Variants in ADAP1 observed in about 807,000 individuals in gnomAD.
The protein encoded by ADAP1 is ArfGAP with dual PH domains 1.
A neutral mutation model predicts 54.9 loss-of-function variants in ADAP1; 31 were observed. The ratio of observed to expected loss-of-function variants is 0.56; its 90% CI spans 0.42 to 0.76. ADAP1 has a LOEUF of 0.76. Among genes scored for constraint, ADAP1 ranks in the 30% least tolerant of loss-of-function variants. The pLI, the probability that ADAP1 is intolerant of heterozygous loss-of-function variation, is 0.00. For synonymous variants in ADAP1, 313 were observed against 202.6 expected, an observed-to-expected ratio of 1.55 and a Z score of -4.63; for missense variants, 535 against 512.4, an observed-to-expected ratio of 1.04 and a Z score of -0.42.
intron 4 of ADAP1, among the ~76,000 whole-genome samples, chr7:909,639 C>T (rs1361887940): frequency 6.6e-6 from 1 of 152,252 alleles, no homozygotes; most frequent in African/African-American, 2.4e-5. Flanking sequence ...CCAGTCGGCA[C>T]CAGCAACAGC....
rs376000777 is a variant in ADAP1 at position 932,705 on chromosome 7, G to A, written c.213+2670C>T. 1.1e-4 allele frequency among the ~76,000 whole-genome samples: 17 copies of A among 152,290 alleles called. No individual in the cohort carries two copies. In the East Asian group the frequency reaches 1.5e-3, roughly 14 times the overall value. ...AGTGTCCCCCCCTGGGTCAGTGAAG[G>A]TGGGTCGAAGGGCGAAGGGACGGAT... On this transcript the variant is annotated intron_variant, in intron 2 of 10. Coordinates refer to ENST00000265846, the MANE Select transcript of ADAP1 (RefSeq NM_006869.4).
At chr7:900,481 CCACCCCACCACCCCT>C (rs1844736102) in intron 7 of ADAP1, 37 bp downstream of exon 7, 1 of 1,380,196 alleles carries the variant, frequency 7.2e-7, no homozygotes, top group African/African-American at 1.4e-5. Context: ...CGTCCACCCC[CCACCCCACCACCCCT>C]GTCTGCCCTG....
At chr7:899,752 C>T (rs181333346) in intron 8 of ADAP1, among the ~76,000 whole-genome samples, 4 of 152,174 alleles carry the variant, frequency 2.6e-5, no homozygotes, top group Non-Finnish European at 4.4e-5. Flanking sequence ...ACTTACGAGC[C>T]CTCACACCTG....
At chr7:899,541 C>T (rs1409004680) in intron 8 of ADAP1, 51 bp from the exon 9 acceptor site, 3 of 1,583,048 alleles carry the variant, frequency 1.9e-6, no homozygotes, top group Non-Finnish European at 2.6e-6. Context: ...GCAGGCCCTA[C>T]ATCCAGCTGA....
chr7:905,213 G>C (rs746848742), intron 4 of ADAP1, 41 bp from the exon 5 acceptor site: 8 of 1,538,780 alleles, frequency 5.2e-6, no homozygotes, highest in Non-Finnish European at 7.1e-6. Flanking sequence ...CAGTGGATGG[G>C]GGGGAGGAAA....
chr7:954,811 A>T, upstream of ADAP1: 2 of 718,306 alleles, frequency 2.8e-6, no homozygotes, highest in Non-Finnish European at 3.4e-6. Context: ...CGCCCCGGGG[A>T]CCCGCTGGGA....
intron 1 of ADAP1, among the ~76,000 whole-genome samples, chr7:942,392 G>T (rs898367649): frequency 1.7e-5 from 2 of 114,708 alleles, no homozygotes; most frequent in Admixed American, 8.5e-5. Flanking sequence ...GGAGAGAGGA[G>T]GAGGAAGGGA....
chr7:952,042 C>G (rs182678448), intron 1 of ADAP1, among the ~76,000 whole-genome samples: 197 of 152,222 alleles, frequency 1.3e-3, no homozygotes, highest in Middle Eastern at 3.4e-3. Context: ...AACCCCCTCC[C>G]AGGATGGAGA....
chr7:900,266 G>A (rs576090103), intron 7 of ADAP1, 102 bp from the exon 8 acceptor site: 31 of 1,436,652 alleles, frequency 2.2e-5, no homozygotes, highest in Admixed American at 1.4e-4. Flanking sequence ...GGGCCACCAG[G>A]TCAGGGCCCA....
intron 4 of ADAP1, among the ~76,000 whole-genome samples, chr7:905,848 AGAAGGGAGAAGGGAGAAGGGAGAAG>A: frequency 5.4e-5 from 3 of 55,368 alleles, no homozygotes; most frequent in Admixed American, 1.5e-4. Flanking sequence ...GGGAGAAGGG[AGAAGGGAGAAGGGAGAAGGGAGAAG>A]GGAGAAAGGA....
intron 4 of ADAP1, among the ~76,000 whole-genome samples, chr7:907,917 T>G (rs1845542485): frequency 1.3e-5 from 2 of 151,772 alleles, no homozygotes; most frequent in South Asian, 2.1e-4. Flanking sequence ...AGGAGCCGTC[T>G]GCCGAGCATC....
At chr7:950,870 A>C (rs1466113878) in intron 1 of ADAP1, among the ~76,000 whole-genome samples, 3 of 151,252 alleles carry the variant, frequency 2.0e-5, no homozygotes, top group East Asian at 1.9e-4. Flanking sequence ...AAAAAAAAAA[A>C]AAAAAAAACA....
rs757397341 is a variant in ADAP1 at position 904,287 on chromosome 7, G to GGT, written c.502-17_502-16dup. The GGT allele has an allele frequency of 6.4e-7, 1 of 1,564,678 alleles. No individual in the cohort carries two copies. Among genetic ancestry groups the GGT allele is most frequent in the South Asian group, 1.2e-5 (1 of 84,244 alleles). The stretch of plus-strand genomic sequence containing the variant: ...GGCTCCTTGGCCTGAGAAGGGGTGG[G>GGT]GTCTAAGCACCTCACAGGGGCCGTC... On this transcript the variant is annotated splice_polypyrimidine_tract_variant and intron_variant, in intron 5 of 10. Coordinates refer to ENST00000265846, the MANE Select transcript of ADAP1 (RefSeq NM_006869.4).
intron 1 of ADAP1, among the ~76,000 whole-genome samples, chr7:936,658 A>G (rs1846768946): frequency 6.6e-6 from 1 of 152,252 alleles, no homozygotes; most frequent in Admixed American, 6.5e-5. Context: ...CAATAAGTCA[A>G]GGGAGTGGAA....
At chr7:912,056 G>A (rs1385734918) in intron 4 of ADAP1, among the ~76,000 whole-genome samples, 1 of 152,196 alleles carries the variant, frequency 6.6e-6, no homozygotes, top group Non-Finnish European at 1.5e-5. Context: ...TATGGACGGG[G>A]AAACCGAGGC....
chr7:905,559 GAGAAAGGA>G (rs1845166961), intron 4 of ADAP1: 1 of 25,736 alleles, frequency 3.9e-5, no homozygotes, highest in Admixed American at 3.5e-4. Context: ...AGGGAGAAAG[GAGAAAGGA>G]GAAAGGAGAA....
rs58476805 is a variant in ADAP1 at position 906,768 on chromosome 7, TGGG to T, written c.389-1599_389-1597del. Reference sequence around the variant, plus strand: ...ACATAGGGGACATGGACAGGGGACATGGGGGACAGGGGACACGGGGGACGGGAC... The same window carrying T: ...ACATAGGGGACATGGACAGGGGACATGGACAGGGGACACGGGGGACGGGAC... On this transcript the variant is annotated intron_variant, in intron 4 of 10. Coordinates refer to ENST00000265846, the MANE Select transcript of ADAP1 (RefSeq NM_006869.4). Among the ~76,000 whole-genome samples, 41 of 24,740 alleles carry T rather than the reference TGGG, an allele frequency of 1.7e-3. 1 individual carries two copies. Among genetic ancestry groups the T allele is most frequent in the East Asian group, 3.8e-3 (1 of 264 alleles). 16.2% of individuals were successfully genotyped at this position (24,740 alleles called of 152,430 possible). A position where few individuals can be genotyped will look rare whatever the true frequency, so the allele number is the denominator to read the frequency against.
chr7:935,035 C>CT (rs941048954), intron 2 of ADAP1: 2 of 448,520 alleles, frequency 4.5e-6, no homozygotes, highest in African/African-American at 2.0e-5. Context: ...GACAGGGTCT[C>CT]TTTTACCCTG....
intron 2 of ADAP1, among the ~76,000 whole-genome samples, chr7:929,520 A>C (rs1302708057): frequency 1.3e-5 from 2 of 150,912 alleles, no homozygotes; most frequent in Non-Finnish European, 3.0e-5. Context: ...GTCTCAAAAA[A>C]AAAAAAAAAA....
Sources: allele counts gnomAD v4.1 joint callset (sites outside exome capture counted in the v4.1 genomes callset), GRCh38; gene constraint gnomAD v4.1.1; transcripts MANE v1.5; gene names NCBI Gene and HGNC (gene_info 2026-07-23, HGNC 2026-07-21).